The following CLYBL variants were observed in gnomAD, a reference collection of about 807,000 sequenced individuals.
The protein encoded by CLYBL is citramalyl-CoA lyase.
Under a neutral mutation model 38.9 loss-of-function variants are expected in CLYBL, and 31 were observed. That is an observed-to-expected ratio of 0.80 (90% CI 0.60 to 1.08). CLYBL has a LOEUF of 1.08. CLYBL is among the 50% of genes least tolerant of loss of function. The probability of loss-of-function intolerance (pLI) is 0.00; values close to 1 mark genes in which losing one functional copy is unlikely to be tolerated. For missense variants in CLYBL, 434 were observed against 411.6 expected (o/e 1.05, Z -0.47); for synonymous variants, 171 against 158.6 (o/e 1.08, Z -0.59).
chr13:99,870,164 C>A (rs1214552046), intron 6 of CLYBL, among the ~76,000 whole-genome samples: 1 of 151,988 alleles, frequency 6.6e-6, no homozygotes, highest in Non-Finnish European at 1.5e-5. Flanking sequence ...GAGGGAAATA[C>A]CCAGTCTTGA....
chr13:99,689,601 G>T (rs1282220381), intron 1 of CLYBL, among the ~76,000 whole-genome samples: 2 of 152,192 alleles, frequency 1.3e-5, no homozygotes, highest in Non-Finnish European at 2.9e-5. Context: ...TTTGAAGACT[G>T]TATTCAATTG....
At chr13:99,796,782 G>A (rs1404737365) in intron 2 of CLYBL, among the ~76,000 whole-genome samples, 2 of 152,154 alleles carry the variant, frequency 1.3e-5, no homozygotes, top group Admixed American at 6.5e-5. Flanking sequence ...AGGTTGCTGT[G>A]GGGTGGCATC....
downstream of CLYBL, among the ~76,000 whole-genome samples, chr13:99,899,298 C>T (rs552429703): frequency 1.3e-5 from 2 of 152,312 alleles, no homozygotes; most frequent in East Asian, 1.9e-4. Flanking sequence ...CCAGAGTTTC[C>T]AGTGGGGTTA....
intron 1 of CLYBL, among the ~76,000 whole-genome samples, chr13:99,766,043 G>A (rs1783578200): frequency 6.6e-6 from 1 of 151,666 alleles, no homozygotes; most frequent in Admixed American, 6.6e-5. Context: ...GTAGAGAGGG[G>A]GGTCTCACTA....
chr13:99,879,775 A>G (rs2052148076), intron 7 of CLYBL, among the ~76,000 whole-genome samples: 1 of 152,156 alleles, frequency 6.6e-6, no homozygotes, highest in Non-Finnish European at 1.5e-5. Context: ...CTTAGAATTC[A>G]AACAGTCTGC....
At chr13:99,776,796 G>A (rs1467877484) in intron 2 of CLYBL, among the ~76,000 whole-genome samples, 3 of 151,974 alleles carry the variant, frequency 2.0e-5, no homozygotes, top group African/African-American at 7.3e-5. Context: ...GCTGTAATTT[G>A]CATGACAAGC....
intron 1 of CLYBL, among the ~76,000 whole-genome samples, chr13:99,769,024 T>TA (rs537964223): frequency 6.6e-6 from 1 of 152,258 alleles, no homozygotes; most frequent in South Asian, 2.1e-4. Flanking sequence ...TGGAGGGACA[T>TA]ACAATAACAG....
chr13:99,738,944 C>G (rs2048708332), intron 1 of CLYBL, among the ~76,000 whole-genome samples: 1 of 152,160 alleles, frequency 6.6e-6, no homozygotes, highest in Non-Finnish European at 1.5e-5. Context: ...TCAAAAAGTG[C>G]AGGGAATACA....
chr13:99,893,891 A>C (rs7327776), downstream of CLYBL: 133,097 of 152,542 alleles, frequency 0.87, 58,326 homozygotes, highest in Admixed American at 0.91. Flanking sequence ...TCGCCACGCC[A>C]CTGCCCTCAT....
rs1308387066 is a variant in CLYBL, at chr13:99,776,515, T to G, written c.249+3505T>G. On this transcript the variant is annotated intron_variant, in intron 2 of 8. Coordinates refer to ENST00000339105, the MANE Select transcript of CLYBL (RefSeq NM_206808.5). The stretch of plus-strand genomic sequence containing the variant: ...TGTCTCAAAAAAAAAAAGTTGTTTT[T>G]TTTTTTTTCTTAAAATCTCTATCTA... Among the ~76,000 whole-genome samples, 4 of 151,496 alleles carry G rather than the reference T, an allele frequency of 2.6e-5. No individual in the cohort carries two copies. The East Asian group carries it at 5.8e-4, about 22-fold the overall frequency.
At position 99,825,262 on chromosome 13, in the gene CLYBL, G is replaced by A. The variant is rs561153469; in HGVS notation, c.250-33599G>A. On this transcript the variant is annotated intron_variant, in intron 2 of 8. Coordinates refer to ENST00000339105, the MANE Select transcript of CLYBL (RefSeq NM_206808.5). ...TTGCTTGGCCCTCGGATGGCTGTAC[G>A]ACGTCAGGACAGGCTGTTAACCCCT... Among the ~76,000 whole-genome samples, 7 of 152,282 alleles carry A rather than the reference G, an allele frequency of 4.6e-5. No individual in the cohort carries two copies. In the South Asian group the frequency reaches 6.2e-4, roughly 14 times the overall value.
At position 99,641,487 on chromosome 13, in the gene CLYBL, G is replaced by A. The variant is rs567609021; in HGVS notation, c.62+34730G>A. ...GATCAAGACCATCCTGGCTAACACAGTGAAACCCCGTCTCTACTAGAAGTA... is the reference window on the plus strand; with the variant it reads ...GATCAAGACCATCCTGGCTAACACAATGAAACCCCGTCTCTACTAGAAGTA... On this transcript the variant is annotated intron_variant, in intron 1 of 8. Transcript: ENST00000339105. 7.9e-5 allele frequency among the ~76,000 whole-genome samples: 12 copies of A among 152,214 alleles called. No homozygotes were observed. In the East Asian group the frequency reaches 2.1e-3, roughly 27 times the overall value.
chr13:99,762,474 A>G (rs1453903861), intron 1 of CLYBL, among the ~76,000 whole-genome samples: 1 of 152,172 alleles, frequency 6.6e-6, no homozygotes, highest in Non-Finnish European at 1.5e-5. Context: ...GTTGCTCATA[A>G]ATGCGTGGAT....
intron 7 of CLYBL, among the ~76,000 whole-genome samples, chr13:99,883,239 G>C (rs139224449): frequency 6.6e-6 from 1 of 152,168 alleles, no homozygotes; most frequent in East Asian, 1.9e-4. Flanking sequence ...TAGCAGAACC[G>C]ACCGGGCGCA....
At chr13:99,638,088 T>C (rs913073397) in intron 1 of CLYBL, among the ~76,000 whole-genome samples, 3 of 150,472 alleles carry the variant, frequency 2.0e-5, no homozygotes, top group South Asian at 4.3e-4. Context: ...CTTAGCCTCC[T>C]GAGTAGCTAA....
At chr13:99,785,627 C>G (rs9557302) in intron 2 of CLYBL, among the ~76,000 whole-genome samples, 4 of 143,314 alleles carry the variant, frequency 2.8e-5, no homozygotes, top group African/African-American at 1.0e-4. Flanking sequence ...GATGGAGTCT[C>G]GCTCTGTCAC....
chr13:99,781,749 A>T (rs1401626313), intron 2 of CLYBL, among the ~76,000 whole-genome samples: 1 of 152,184 alleles, frequency 6.6e-6, no homozygotes, highest in Admixed American at 6.5e-5. Context: ...AAGTTCGAGG[A>T]TTACAGGTGT....
chr13:99,901,645 G>GTTTTTTTTTTTTTTTTTTTTTTT (rs57853480), downstream of CLYBL, among the ~76,000 whole-genome samples: 1 of 127,194 alleles, frequency 7.9e-6, no homozygotes, highest in Non-Finnish European at 1.7e-5. Context: ...GGATTTTTTT[G>GTTTTTTTTTTTTTTTTTTTTTTT]TTTTTTTTTT....
At chr13:99,855,811 G>A (rs143912110) in intron 2 of CLYBL, among the ~76,000 whole-genome samples, 60 of 152,032 alleles carry the variant, frequency 3.9e-4, no homozygotes, top group African/African-American at 1.3e-3. Flanking sequence ...CAACATGCTC[G>A]CTGGTTGGGG....
Sources: allele counts gnomAD v4.1 joint callset (sites outside exome capture counted in the v4.1 genomes callset), GRCh38; gene constraint gnomAD v4.1.1; transcripts MANE v1.5; gene names NCBI Gene and HGNC (gene_info 2026-07-23, HGNC 2026-07-21).